TMEM33: variants seen among roughly 807,000 people sequenced by gnomAD.
TMEM33 encodes transmembrane protein 33.
In TMEM33, 16 loss-of-function variants were observed where a neutral mutation model predicts 29.7. The ratio of observed to expected loss-of-function variants is 0.54; its 90% CI spans 0.36 to 0.82. The LOEUF is 0.82. TMEM33 is among the 40% of genes least tolerant of loss of function. The pLI is 0.00. For missense variants in TMEM33, 252 were observed against 295.3 expected, an observed-to-expected ratio of 0.85 and a Z score of 1.08; for synonymous variants, 112 against 109.4, an observed-to-expected ratio of 1.02 and a Z score of -0.15.
chr4:41,936,143 C>T (rs1311156777), intron 1 of TMEM33, among the ~76,000 whole-genome samples: 1 of 152,218 alleles, frequency 6.6e-6, no homozygotes, highest in African/African-American at 2.4e-5. Flanking sequence ...GACCACAATG[C>T]AGTTACCACA....
chr4:41,940,075 CAG>C (rs1577648110), intron 3 of TMEM33, among the ~76,000 whole-genome samples: 3 of 80,258 alleles, frequency 3.7e-5, no homozygotes, highest in African/African-American at 1.9e-4. Flanking sequence ...TTTTTTGAGA[CAG>C]AGTCTTGCTC....
chr4:41,946,010 T>C (rs886230481), intron 5 of TMEM33, among the ~76,000 whole-genome samples: 2 of 147,360 alleles, frequency 1.4e-5, no homozygotes, highest in East Asian at 3.9e-4. Flanking sequence ...AAAAAAAAAG[T>C]GTTATTCTGT....
chr4:41,953,827 A>T, intron 6 of TMEM33: 1 of 521,226 alleles, frequency 1.9e-6, no homozygotes, highest in Non-Finnish European at 3.7e-6. Context: ...CAGATCACAG[A>T]TCACCATAAT....
At chr4:41,935,328 C>T (rs1188209851), upstream of TMEM33, 8 of 803,706 alleles carry the variant, frequency 1.0e-5, no homozygotes, top group Admixed American at 2.1e-5. Flanking sequence ...AGACCCTTCC[C>T]TGGTGGAGGC....
chr4:41,952,504 A>G (rs1428940655), intron 6 of TMEM33, among the ~76,000 whole-genome samples: 1 of 152,236 alleles, frequency 6.6e-6, no homozygotes, highest in East Asian at 1.9e-4. Context: ...TTTTGTGTAT[A>G]CTAGCCTGTA....
chr4:41,945,012 T>C, intron 5 of TMEM33, 86 bp downstream of exon 5: 2 of 1,527,112 alleles, frequency 1.3e-6, no homozygotes, highest in Non-Finnish European at 1.8e-6. Flanking sequence ...TTTAAATCTG[T>C]TGAAGGTAGG....
rs936258917 is a variant in TMEM33, at chr4:41,958,761, T to C, written c.*4562T>C. On this transcript the variant is annotated 3_prime_UTR_variant, in exon 7 of 7. Transcript: ENST00000504986. ...TCTCACTCAGTTGCCCAGGCTGGAG[T>C]GCAGTGGTGCAGTCTTGGCTCACTG... is the stretch of plus-strand genomic sequence containing the variant. 2.8e-5 allele frequency: 4 copies of C among 141,234 alleles called. 1 individual carries two copies. The Admixed American group carries it at 3.1e-4, about 11-fold the overall frequency. 8.7% of individuals were successfully genotyped at this position (141,234 alleles called of 1,614,324 possible).
chr4:41,959,331 A>G lies in TMEM33; in HGVS notation c.*5132A>G, dbSNP rs1030674308. Reference sequence around the variant, plus strand: ...TTTAGAAGGAACATAGTCAAGTGTGATGGATTAACTCTATATAGTCTTTCT... The same window carrying G: ...TTTAGAAGGAACATAGTCAAGTGTGGTGGATTAACTCTATATAGTCTTTCT... On this transcript the variant is annotated 3_prime_UTR_variant, in exon 7 of 7. Coordinates refer to ENST00000504986, the MANE Select transcript of TMEM33 (RefSeq NM_018126.3). The G allele has an allele frequency of 3.3e-5, 5 of 151,234 alleles. No homozygotes were observed. The highest frequency in any genetic ancestry group is 9.7e-5 in the African/African-American group (4 of 41,292). The allele number at this position is 151,234 out of a possible 1,614,324, so 9.4% of individuals were successfully genotyped here.
intron 4 of TMEM33, 102 bp downstream of exon 4, chr4:41,943,916 C>T: frequency 1.0e-6 from 1 of 990,208 alleles, no homozygotes; most frequent in Non-Finnish European, 1.6e-6. Context: ...TCCCTCTATA[C>T]CTTACAAACT....
intron 3 of TMEM33, 38 bp downstream of exon 3, chr4:41,939,421 C>G (rs775191919): frequency 6.2e-7 from 1 of 1,600,730 alleles, no homozygotes; most frequent in African/African-American, 1.3e-5. Context: ...AAATTGCCAA[C>G]TAAGCATATA....
intron 6 of TMEM33, chr4:41,953,710 G>C (rs1268923491): frequency 2.2e-6 from 1 of 456,578 alleles, no homozygotes; most frequent in African/African-American, 2.0e-5. Context: ...GAGGGAAAGA[G>C]ACCAATCAGG....
chr4:41,939,095 A>G (rs1001504000), intron 2 of TMEM33, 101 bp from the exon 3 acceptor site: 5 of 1,177,020 alleles, frequency 4.2e-6, no homozygotes, highest in African/African-American at 1.6e-5. Context: ...TCTATTGACA[A>G]GTGATTTAGG....
At chr4:41,935,375 G>T (rs777154106), upstream of TMEM33, 5 of 1,209,238 alleles carry the variant, frequency 4.1e-6, no homozygotes, top group African/African-American at 6.0e-5. Context: ...CCTGTGTGTG[G>T]CGCGAGGCAG....
intron 3 of TMEM33, among the ~76,000 whole-genome samples, chr4:41,940,712 G>A (rs1405559721): frequency 6.6e-6 from 1 of 151,400 alleles, no homozygotes; most frequent in Non-Finnish European, 1.5e-5. Context: ...GGGAGGCTGA[G>A]GCAGGAGAAT....
chr4:41,940,810 A>AC (rs1489216186), intron 3 of TMEM33, among the ~76,000 whole-genome samples: 2 of 148,886 alleles, frequency 1.3e-5, no homozygotes, highest in African/African-American at 5.0e-5. Flanking sequence ...TCCTTCTCAA[A>AC]AAAAAAAAAA....
chr4:41,945,359 A>C (rs577806139), intron 5 of TMEM33, among the ~76,000 whole-genome samples: 3 of 152,220 alleles, frequency 2.0e-5, no homozygotes, highest in African/African-American at 7.2e-5. Flanking sequence ...TCCTTTTAAA[A>C]GTATGAACAT....
chr4:41,954,172 A>G lies in TMEM33; in HGVS notation c.717A>G (p.Ile239Met), dbSNP rs769778618. 98 of 1,613,900 alleles carry G rather than the reference A, an allele frequency of 6.1e-5. No homozygotes were observed. The highest frequency in any genetic ancestry group is 5.5e-4 in the Admixed American group (33 of 60,022). Reference protein sequence around the residue: ...RRLCLQSIAFISRLAPTVP With the variant: ...RRLCLQSIAFMSRLAPTVP The stretch of plus-strand genomic sequence containing the variant: ...TTTGTCTCCAGAGCATTGCCTTTAT[A>G]AGCAGATTGGCACCAACAGTTCCAT... Residue 239 changes from isoleucine (I) to methionine (M), a missense_variant, in exon 7 of 7, where the codon ATA (isoleucine) becomes ATG (methionine). Coordinates refer to ENST00000504986, the MANE Select transcript of TMEM33 (RefSeq NM_018126.3).
chr4:41,957,433 C>A lies in TMEM33; in HGVS notation c.*3234C>A, dbSNP rs968385738. 1 of 151,852 alleles carries A rather than the reference C, an allele frequency of 6.6e-6. No individual in the cohort carries two copies. The highest frequency in any genetic ancestry group is 1.5e-5 in the Non-Finnish European group (1 of 67,930). 9.4% of individuals were successfully genotyped at this position (151,852 alleles called of 1,614,324 possible). On this transcript the variant is annotated 3_prime_UTR_variant, in exon 7 of 7. Coordinates refer to ENST00000504986, the MANE Select transcript of TMEM33 (RefSeq NM_018126.3). ...AAAAGTTATGAAAAATTAATAGGTT[C>A]TTTTATAGAGCTAAGAATGATGAAA...
At chr4:41,941,809 T>C (rs1250249563) in intron 3 of TMEM33, among the ~76,000 whole-genome samples, 1 of 152,234 alleles carries the variant, frequency 6.6e-6, no homozygotes, top group Non-Finnish European at 1.5e-5. Flanking sequence ...CTTCTTCTTA[T>C]AAAAGTGATA....
Sources: allele counts gnomAD v4.1 joint callset (sites outside exome capture counted in the v4.1 genomes callset), GRCh38; gene constraint gnomAD v4.1.1; transcripts MANE v1.5; gene names NCBI Gene and HGNC (gene_info 2026-07-23, HGNC 2026-07-21).